TTLL5: variants seen among roughly 807,000 people sequenced by gnomAD.
The protein encoded by TTLL5 is tubulin tyrosine ligase like 5.
Under a neutral mutation model 168.4 loss-of-function variants are expected in TTLL5, and 132 were observed. The observed-to-expected ratio is 0.78, with a 90% CI of 0.68 to 0.91. The LOEUF (loss-of-function observed/expected upper bound fraction) is 0.91, where lower values mean the gene tolerates loss of function less well. Ranked by LOEUF, TTLL5 falls within the 40% of genes least tolerant of loss-of-function variation. The pLI is 0.00. For missense variants in TTLL5, 1,545 were observed against 1,581.5 expected (o/e 0.98, Z 0.39); for synonymous variants, 546 against 558.6 (o/e 0.98, Z 0.32).
intron 1 of TTLL5, among the ~76,000 whole-genome samples, chr14:75,662,427 C>T (rs768501469): frequency 4.0e-5 from 6 of 150,922 alleles, no homozygotes; most frequent in Non-Finnish European, 5.9e-5. Flanking sequence ...CGGGTTCAAG[C>T]GATTCTCCTC....
intron 26 of TTLL5, among the ~76,000 whole-genome samples, chr14:75,790,999 G>A (rs1411614552): frequency 6.7e-6 from 1 of 149,858 alleles, no homozygotes; most frequent in Admixed American, 6.6e-5. Context: ...CCAGCTACTC[G>A]GGAGGCTGAG....
intron 6 of TTLL5, among the ~76,000 whole-genome samples, chr14:75,693,457 T>G (rs1295613308): frequency 6.6e-6 from 1 of 152,246 alleles, no homozygotes; most frequent in Non-Finnish European, 1.5e-5. Context: ...GCCTAGAGAC[T>G]AATCACTGTC....
rs2140117924 is a variant in TTLL5 at position 75,681,647 on chromosome 14, C to T, written c.264+20C>T. ...CATGAAGTAAGTTTATTTTTAATAC[C>T]TCACCTGATCTGCTCATAAGCTGAA... On this transcript the variant is annotated intron_variant, in intron 4 of 31. Transcript: ENST00000298832. 6.3e-7 allele frequency: 1 copy of T among 1,599,800 alleles called. No individual in the cohort carries two copies. The highest frequency in any genetic ancestry group is 1.1e-5 in the South Asian group (1 of 90,846).
intron 6 of TTLL5, among the ~76,000 whole-genome samples, chr14:75,694,810 C>T (rs1885716900): frequency 6.6e-6 from 1 of 152,186 alleles, no homozygotes; most frequent in African/African-American, 2.4e-5. Flanking sequence ...ATTTTATGGA[C>T]ATTTATCACT....
In TTLL5 at chr14:75,913,994, G is replaced by A. The variant is rs114200824; in HGVS notation, c.3823+11770G>A. Reference sequence around the variant, plus strand: ...TGTACCACTGCGCTCCAGCCTAGGCGACAGAGGAAGACTGTTTAAAAGGAA... The same window carrying A: ...TGTACCACTGCGCTCCAGCCTAGGCAACAGAGGAAGACTGTTTAAAAGGAA... On this transcript the variant is annotated intron_variant, in intron 31 of 31. Transcript: ENST00000298832. Among the ~76,000 whole-genome samples the A allele has an allele frequency of 2.8e-3, 283 of 101,346 alleles. 3 individuals carry two copies. The highest frequency in any genetic ancestry group is 0.012 in the African/African-American group (256 of 21,344). The allele number at this position is 101,346 out of a possible 152,430, so 66.5% of individuals were successfully genotyped here.
At chr14:75,817,830 C>CTTTTCT (rs1894533849) in intron 27 of TTLL5, among the ~76,000 whole-genome samples, 2 of 83,858 alleles carry the variant, frequency 2.4e-5, no homozygotes, top group African/African-American at 5.1e-5. Flanking sequence ...CTTTTCTTTT[C>CTTTTCT]TTTTTTTTTT....
At chr14:75,750,548 A>G (rs917814239) in intron 17 of TTLL5, among the ~76,000 whole-genome samples, 2 of 151,608 alleles carry the variant, frequency 1.3e-5, no homozygotes, top group Non-Finnish European at 2.9e-5. Flanking sequence ...AGAATACAGT[A>G]TGTAATACAT....
At chr14:75,668,260 T>C (rs1186678457) in intron 2 of TTLL5, among the ~76,000 whole-genome samples, 2 of 152,248 alleles carry the variant, frequency 1.3e-5, no homozygotes, top group African/African-American at 4.8e-5. Flanking sequence ...TATACAACTT[T>C]GCTGAAATGC....
At chr14:75,886,898 G>A (rs1394651215) in intron 30 of TTLL5, 16 of 1,455,342 alleles carry the variant, frequency 1.1e-5, no homozygotes, top group Admixed American at 2.7e-5. Context: ...CCAGGCACAA[G>A]GGCAAAACTC....
intron 27 of TTLL5, among the ~76,000 whole-genome samples, chr14:75,811,183 G>GTGTGTGTGTGTGTGTA (rs752399420): frequency 8.2e-6 from 1 of 121,452 alleles, no homozygotes; most frequent in African/African-American, 2.7e-5. Context: ...GTGTGTGTGT[G>GTGTGTGTGTGTGTGTA]TGTGTATGTG....
At chr14:75,680,976 C>T (rs1884566226) in intron 3 of TTLL5, among the ~76,000 whole-genome samples, 1 of 151,992 alleles carries the variant, frequency 6.6e-6, no homozygotes, top group African/African-American at 2.4e-5. Context: ...CTTTGGCAGT[C>T]TGGAGAAGCC....
chr14:75,724,723 G>A (rs1212084797), intron 12 of TTLL5, among the ~76,000 whole-genome samples: 1 of 152,112 alleles, frequency 6.6e-6, no homozygotes, highest in African/African-American at 2.4e-5. Context: ...TTGATTTATA[G>A]AATTTTTTAT....
At chr14:75,689,843 C>A in intron 5 of TTLL5, 1 of 229,596 alleles carries the variant, frequency 4.4e-6, no homozygotes, top group Non-Finnish European at 8.4e-6. Flanking sequence ...TGGGAGGGTC[C>A]ACTACAGGGG....
At chr14:75,760,882 CAAAT>C (rs1890594791) in intron 18 of TTLL5, among the ~76,000 whole-genome samples, 1 of 152,104 alleles carries the variant, frequency 6.6e-6, no homozygotes, top group Admixed American at 6.5e-5. Context: ...CAATAAAAAA[CAAAT>C]AATGTTATAT....
At chr14:75,794,376 A>G (rs924119192) in intron 27 of TTLL5, among the ~76,000 whole-genome samples, 4 of 151,906 alleles carry the variant, frequency 2.6e-5, no homozygotes, top group African/African-American at 9.7e-5. Context: ...TGGGTCACTA[A>G]CTAGATTATA....
chr14:75,860,978 A>C (rs2139933557), intron 28 of TTLL5, among the ~76,000 whole-genome samples: 1 of 152,202 alleles, frequency 6.6e-6, no homozygotes, highest in South Asian at 2.1e-4. Flanking sequence ...ATATTTGATC[A>C]GTGCTCACCA....
chr14:75,677,382 C>T (rs1464003188), intron 3 of TTLL5, among the ~76,000 whole-genome samples: 2 of 143,890 alleles, frequency 1.4e-5, no homozygotes, highest in Non-Finnish European at 3.0e-5. Flanking sequence ...CTCTTTCTCT[C>T]TCTCTCTCTT....
At position 75,902,236 on chromosome 14, in the gene TTLL5, C is replaced by A. The variant is rs1215508898; in HGVS notation, c.3823+12C>A. On this transcript the variant is annotated intron_variant, in intron 31 of 31. Coordinates refer to ENST00000298832, the MANE Select transcript of TTLL5 (RefSeq NM_015072.5). ...CACCAGCTCTACAGGTTAGTGGGCA[C>A]CAGCTCTTCTGCAACTGGATAGATG... 1 of 1,613,914 alleles carries A rather than the reference C, an allele frequency of 6.2e-7. No individual in the cohort carries two copies.
chr14:75,777,407 A>G (rs1330648905), intron 23 of TTLL5, among the ~76,000 whole-genome samples: 1 of 152,246 alleles, frequency 6.6e-6, no homozygotes, highest in Middle Eastern at 3.2e-3. Context: ...TGTGAGGGTT[A>G]CACCTAATTT....
Sources: gnomAD v4.1 joint callset for allele counts (sites outside exome capture counted in the v4.1 genomes callset) on GRCh38, gnomAD v4.1.1 for gene constraint, MANE v1.5 for transcripts, NCBI Gene and HGNC (gene_info 2026-07-23, HGNC 2026-07-21) for gene names.